KCNT1: variants seen among roughly 807,000 people sequenced by gnomAD.
KCNT1 encodes potassium sodium-activated channel subfamily T member 1, also known as potassium channel subfamily T member 1.
In KCNT1, 78 loss-of-function variants were observed where a neutral mutation model predicts 147.8. The observed-to-expected ratio is 0.53, with a 90% CI of 0.44 to 0.64. The LOEUF (loss-of-function observed/expected upper bound fraction) is 0.64. Among genes scored for constraint, KCNT1 ranks in the 30% least tolerant of loss-of-function variants. KCNT1 has a pLI of 0.00. For missense variants in KCNT1, 1,419 were observed against 1,750.3 expected, an observed-to-expected ratio of 0.81 and a Z score of 3.38; for synonymous variants, 867 against 748.8, an observed-to-expected ratio of 1.16 and a Z score of -2.58.
At position 135,752,933 on chromosome 9, in the gene KCNT1, GGACA is replaced by G. The variant is rs1564347251; in HGVS notation, c.435-1001_435-998del. Among the ~76,000 whole-genome samples, 1 of 151,156 alleles carries G rather than the reference GGACA, an allele frequency of 6.6e-6. No individual in the cohort carries two copies. On this transcript the variant is annotated intron_variant, in intron 4 of 30. Transcript: ENST00000371757. This position sits in a 1 kb window ranked among gnomAD's most constrained non-coding sequence, Gnocchi z 5.1. Reference sequence around the variant, plus strand: ...GTGGATGGATGATGGATGGATGGATGGACAGATAAGTAGATGGATAGATGGATGA... The same window carrying G: ...GTGGATGGATGATGGATGGATGGATGGATAAGTAGATGGATAGATGGATGA...
At chr9:135,788,076 T>C in intron 29 of KCNT1, 1 of 1,560,254 alleles carries the variant, frequency 6.4e-7, no homozygotes, top group Non-Finnish European at 8.8e-7. Context: ...TTTCTGTCTG[T>C]GCCTCTTTCT....
At chr9:135,758,723 C>G (rs1399870535) in intron 10 of KCNT1, among the ~76,000 whole-genome samples, 4 of 152,228 alleles carry the variant, frequency 2.6e-5, no homozygotes, top group Non-Finnish European at 4.4e-5. Context: ...CCCTGCAGCC[C>G]GACTCCTCCA....
chr9:135,749,923 C>A (rs186946354), intron 2 of KCNT1, among the ~76,000 whole-genome samples, 175 bp from the exon 3 acceptor site: 1 of 152,076 alleles, frequency 6.6e-6, no homozygotes, highest in Non-Finnish European at 1.5e-5. Context: ...CTGGGTGTGA[C>A]GGACCCCAGG....
chr9:135,788,207 G>A (rs779056264), intron 29 of KCNT1: 68 of 1,520,986 alleles, frequency 4.5e-5, no homozygotes, highest in South Asian at 1.9e-4. Context: ...AACGGGGCTC[G>A]CCAACCCTTC....
chr9:135,737,860 G>C (rs1830406673), intron 2 of KCNT1, among the ~76,000 whole-genome samples: 1 of 152,332 alleles, frequency 6.6e-6, no homozygotes, highest in African/African-American at 2.4e-5. Context: ...ATTTGCAGAA[G>C]AGGCGGTTGA....
intron 2 of KCNT1, among the ~76,000 whole-genome samples, chr9:135,727,973 AG>A (rs1235102585): frequency 1.3e-5 from 2 of 152,262 alleles, no homozygotes; most frequent in African/African-American, 2.4e-5. Flanking sequence ...TCCTTAAAAG[AG>A]GGCGGCAAAG....
At chr9:135,729,680 C>T (rs1224353703) in intron 2 of KCNT1, among the ~76,000 whole-genome samples, 2 of 152,248 alleles carry the variant, frequency 1.3e-5, no homozygotes, top group African/African-American at 4.8e-5. Flanking sequence ...CCGGTGGCCT[C>T]TCTGTGGGTG....
At position 135,784,111 on chromosome 9, in the gene KCNT1, A is replaced by G. The variant is rs1291419894; in HGVS notation, c.2929A>G (p.Thr977Ala). 6.2e-7 allele frequency: 1 copy of G among 1,604,286 alleles called. No individual in the cohort carries two copies. The highest frequency in any genetic ancestry group is 8.5e-7 in the Non-Finnish European group (1 of 1,179,880). ...CGTCTTCAGCATCAGCATGTTGGAC[A>G]CACTGCTCTACCAGGTCAGCGGGGA... ...GRVFSISMLD[T>A]LLYQSFVKDY... is the part of the protein sequence containing the mutation. The change falls in exon 25 of 31, where the codon ACA becomes GCA. Residue 977 changes from threonine to alanine, a missense_variant. By Grantham distance (58) the Thr-to-Ala change is moderately conservative. Around this residue, in one of 5 missense-constraint regions of KCNT1, gnomAD observed 247 missense variants for 397.1 expected, o/e 0.62. Transcript: ENST00000371757.
chr9:135,749,353 C>A (rs1402321810), intron 2 of KCNT1, among the ~76,000 whole-genome samples: 1 of 152,036 alleles, frequency 6.6e-6, no homozygotes, highest in Non-Finnish European at 1.5e-5. Flanking sequence ...ACACTGTGGT[C>A]TCTTCTCAGG....
chr9:135,750,620 G>C, intron 3 of KCNT1: 1 of 499,904 alleles, frequency 2.0e-6, no homozygotes, highest in Non-Finnish European at 3.6e-6. Flanking sequence ...GACTTGGGGG[G>C]TTTCCCCAGG....
chr9:135,764,944 C>CA, intron 11 of KCNT1, 87 bp from the exon 12 acceptor site: 1 of 1,444,436 alleles, frequency 6.9e-7, no homozygotes, highest in Admixed American at 2.2e-5. Context: ...CCCTAACAGA[C>CA]AGTCGTGTGT....
At chr9:135,755,013 A>C in intron 5 of KCNT1, 108 bp from the exon 6 acceptor site, 1 of 969,888 alleles carries the variant, frequency 1.0e-6, no homozygotes, top group Non-Finnish European at 1.5e-6. Flanking sequence ...AATGAGCAGC[A>C]CATGCTTGGG....
chr9:135,787,486 G>T (rs563155268), intron 29 of KCNT1, among the ~76,000 whole-genome samples: 1 of 152,212 alleles, frequency 6.6e-6, no homozygotes, highest in Non-Finnish European at 1.5e-5. Flanking sequence ...CCTCTGTCCC[G>T]TCGGAGTGCC....
In KCNT1 at chr9:135,766,400, C is replaced by T. The variant is rs147969498; in HGVS notation, c.1337+640C>T. 2.1e-3 allele frequency among the ~76,000 whole-genome samples: 315 copies of T among 151,522 alleles called. 3 individuals are homozygous for T. The highest frequency in any genetic ancestry group is 7.1e-3 in the African/African-American group (294 of 41,284). On this transcript the variant is annotated intron_variant, in intron 13 of 30. Coordinates refer to ENST00000371757, the MANE Select transcript of KCNT1 (RefSeq NM_020822.3). ...CCAGGGTGGATCATCTGGGGTGGAC[C>T]ATTCAAGGTGGACCATCTAGGGTGG...
rs1326023054 is a variant in KCNT1, at chr9:135,770,977, G to A, written c.1890G>A (p.Glu630=). The A allele has an allele frequency of 1.4e-5, 22 of 1,613,890 alleles. No individual in the cohort carries two copies. Among genetic ancestry groups the A allele is most frequent in the Non-Finnish European group, 1.8e-5 (21 of 1,179,962 alleles). The stretch of plus-strand genomic sequence containing the variant: ...GCTTCTACATCAACATCACCAAGGA[G>A]GAGAACTCGGCCTTCATCTTCAAGC... ...DTCFYINITK[E]ENSAFIFKQE... Residue 630 remains glutamate, a synonymous_variant, in exon 18 of 31, where the codon GAG becomes GAA. Coordinates refer to ENST00000371757, the MANE Select transcript of KCNT1 (RefSeq NM_020822.3).
At chr9:135,708,458 C>T (rs1835346824) in intron 1 of KCNT1, among the ~76,000 whole-genome samples, 1 of 152,218 alleles carries the variant, frequency 6.6e-6, no homozygotes, top group Admixed American at 6.5e-5. Flanking sequence ...AAACATGGCT[C>T]GCCCAGCTCC....
At chr9:135,708,299 A>C (rs553962319) in intron 1 of KCNT1, among the ~76,000 whole-genome samples, 2 of 152,356 alleles carry the variant, frequency 1.3e-5, no homozygotes, top group South Asian at 4.1e-4. Context: ...TTGTACATAC[A>C]TGCATGCAAT....
Position 135,705,067 on chromosome 9 carries a change from G to A in KCNT1, c.110+2699G>A, listed in dbSNP as rs148432001. On this transcript the variant is annotated intron_variant, in intron 1 of 30. Transcript: ENST00000371757. ...CTCGCACCCGGCAGCCTCCAAGTGT[G>A]CTGGTCTGGTTCACCCACCGTATGG... Among the ~76,000 whole-genome samples the A allele has an allele frequency of 3.3e-5, 5 of 152,328 alleles. No homozygotes were observed. The East Asian group carries it at 5.8e-4, about 18-fold the overall frequency.
chr9:135,734,171 G>A (rs373400421), intron 2 of KCNT1, among the ~76,000 whole-genome samples: 4 of 152,290 alleles, frequency 2.6e-5, no homozygotes, highest in African/African-American at 9.6e-5. Flanking sequence ...TGAGTTTCCA[G>A]GATGTCTGCC....
Sources: allele counts gnomAD v4.1 joint callset (sites outside exome capture counted in the v4.1 genomes callset), GRCh38; gene constraint gnomAD v4.1.1; regional missense constraint gnomAD v4.1.1; non-coding constraint Gnocchi (gnomAD v3.1); transcripts MANE v1.5; gene names NCBI Gene and HGNC (gene_info 2026-07-23, HGNC 2026-07-21).